NFIX: variants seen among roughly 807,000 people sequenced by gnomAD.
The protein encoded by NFIX is nuclear factor I X.
NFIX carries 2 observed loss-of-function variants against 53.3 expected under a neutral mutation model. That is an observed-to-expected ratio of 0.04 (90% confidence interval 0.02 to 0.12). The LOEUF (loss-of-function observed/expected upper bound fraction) is 0.12. Among genes scored for constraint, NFIX ranks in the 10% least tolerant of loss-of-function variants. NFIX has a pLI of 1.00. For missense variants in NFIX, 310 were observed against 674.5 expected (o/e 0.46, Z 5.99); for synonymous variants, 244 against 289.0 (o/e 0.84, Z 1.58).
chr19:13,030,958 G>C (rs1487522257), intron 2 of NFIX, among the ~76,000 whole-genome samples: 1 of 152,246 alleles, frequency 6.6e-6, no homozygotes, highest in Non-Finnish European at 1.5e-5. Context: ...GGCCACCTTT[G>C]TTTTGGACAT....
chr19:13,036,566 C>T lies in NFIX; in HGVS notation c.559+11014C>T, dbSNP rs543241626. Among the ~76,000 whole-genome samples, 18 of 152,186 alleles carry T rather than the reference C, an allele frequency of 1.2e-4. No individual in the cohort carries two copies. Among genetic ancestry groups the T allele is most frequent in the African/African-American group, 3.6e-4 (15 of 41,512 alleles). ...CTGTGTGGAGCGATCGGGAGATCCCCGGAGGCGACCTGCAGGAGGCCAGCC... is the reference window on the plus strand; with the variant it reads ...CTGTGTGGAGCGATCGGGAGATCCCTGGAGGCGACCTGCAGGAGGCCAGCC... On this transcript the variant is annotated intron_variant, in intron 2 of 10. Transcript: ENST00000592199. The surrounding 1 kb of genome is among the most constrained non-coding windows in gnomAD (Gnocchi z 4.7).
chr19:13,046,082 A>T (rs1332060079), intron 2 of NFIX, among the ~76,000 whole-genome samples: 1 of 152,188 alleles, frequency 6.6e-6, no homozygotes, highest in Non-Finnish European at 1.5e-5. Context: ...GTAAACCTGG[A>T]TGGAGTGTAG....
chr19:13,053,154 T>G (rs1260941098), intron 2 of NFIX, among the ~76,000 whole-genome samples: 1 of 152,080 alleles, frequency 6.6e-6, no homozygotes, highest in East Asian at 1.9e-4. Flanking sequence ...GGTTTGACAG[T>G]GTTTTGTGGG....
chr19:13,074,050 C>T, intron 5 of NFIX, 24 bp downstream of exon 5: 1 of 1,613,352 alleles, frequency 6.2e-7, no homozygotes, highest in Non-Finnish European at 8.5e-7. Flanking sequence ...CCCTGCCTTT[C>T]CATCTTCTCT....
chr19:13,056,491 C>T (rs1325091260), intron 2 of NFIX, among the ~76,000 whole-genome samples: 1 of 152,182 alleles, frequency 6.6e-6, no homozygotes. Context: ...TTCACTCTTA[C>T]TGTTAAAGGG....
At chr19:13,057,824 C>G (rs141821279) in intron 2 of NFIX, among the ~76,000 whole-genome samples, 4,304 of 152,224 alleles carry the variant, frequency 0.028, 71 homozygotes, top group Middle Eastern at 0.082. Flanking sequence ...CCCTTCCTCC[C>G]TCCCTCCCCG....
In NFIX at chr19:13,028,880, C is replaced by T. The variant is rs1310901539; in HGVS notation, c.559+3328C>T. Among the ~76,000 whole-genome samples, 3 of 152,066 alleles carry T rather than the reference C, an allele frequency of 2.0e-5. 1 individual carries two copies. Among genetic ancestry groups the T allele is most frequent in the Non-Finnish European group, 4.4e-5 (3 of 68,022 alleles). On this transcript the variant is annotated intron_variant, in intron 2 of 10. Coordinates refer to ENST00000592199, the MANE Select transcript of NFIX (RefSeq NM_001365902.3). The surrounding 1 kb of genome is among the most constrained non-coding windows in gnomAD (Gnocchi z 4.2). ...CTATCTCCAAAGTTTCTGCAGCACC[C>T]TGAAGGTGAACCAGTGCCTTCAGAC...
At chr19:13,057,256 C>T (rs551688914) in intron 2 of NFIX, among the ~76,000 whole-genome samples, 56 of 152,294 alleles carry the variant, frequency 3.7e-4, no homozygotes, top group African/African-American at 1.2e-3. Context: ...CAAGTTCTGA[C>T]GGCTGTGCCT....
rs1352501562 is a variant in NFIX at position 13,093,754 on chromosome 19, TG to T, written c.1495-880del. On this transcript the variant is annotated intron_variant, in intron 10 of 10. Transcript: ENST00000592199. This position sits in a 1 kb window ranked among gnomAD's most constrained non-coding sequence, Gnocchi z 4.7. ...GATGCATTTTCAGGGACCCTCATTT[TG>T]CCCCAACGGTACTACCAGGTGCACC... Among the ~76,000 whole-genome samples, 1 of 152,162 alleles carries T rather than the reference TG, an allele frequency of 6.6e-6. No homozygotes were observed. Among genetic ancestry groups the T allele is most frequent in the African/African-American group, 2.4e-5 (1 of 41,420 alleles).
chr19:13,049,632 C>T lies in NFIX; in HGVS notation c.560-23415C>T, dbSNP rs773604128. ...TTTTTGAGACAGAGTCTTACTCTGT[C>T]GCCCAGGCTGGAGTGCAGTGGCGCG... On this transcript the variant is annotated intron_variant, in intron 2 of 10. Coordinates refer to ENST00000592199, the MANE Select transcript of NFIX (RefSeq NM_001365902.3). The surrounding 1 kb of genome is among the most constrained non-coding windows in gnomAD (Gnocchi z 4.5). Among the ~76,000 whole-genome samples the T allele has an allele frequency of 9.4e-5, 14 of 149,410 alleles. No individual in the cohort carries two copies. Among genetic ancestry groups the T allele is most frequent in the Non-Finnish European group, 1.8e-4 (12 of 67,722 alleles).
chr19:13,018,608 G>C (rs1460178598), intron 1 of NFIX, among the ~76,000 whole-genome samples: 2 of 152,192 alleles, frequency 1.3e-5, no homozygotes, highest in East Asian at 1.9e-4. Context: ...GGATGATTTT[G>C]TTCTGACTAC....
chr19:13,024,430 G>A, intron 1 of NFIX: 1 of 1,426,002 alleles, frequency 7.0e-7, no homozygotes, highest in Non-Finnish European at 9.2e-7. Flanking sequence ...AATGAAAACA[G>A]CCTGGGGAGA....
At position 13,051,826 on chromosome 19, in the gene NFIX, C is replaced by T. The variant is rs2015343517; in HGVS notation, c.560-21221C>T. ...CAGGGGTTAAAGAAACACAACCCGC[C>T]GCTGCCGCCTTAGCAGGTGCCTGGA... is the stretch of plus-strand genomic sequence containing the variant. On this transcript the variant is annotated intron_variant, in intron 2 of 10. Transcript: ENST00000592199. This position sits in a 1 kb window ranked among gnomAD's most constrained non-coding sequence, Gnocchi z 5.1. Among the ~76,000 whole-genome samples, 1 of 152,358 alleles carries T rather than the reference C, an allele frequency of 6.6e-6. No homozygotes were observed. The highest frequency in any genetic ancestry group is 2.1e-4 in the South Asian group (1 of 4,834).
chr19:13,081,535 C>A lies in NFIX; in HGVS notation c.1079-145C>A. 1.5e-6 allele frequency: 1 copy of A among 649,578 alleles called. No homozygotes were observed. Among genetic ancestry groups the A allele is most frequent in the Non-Finnish European group, 2.5e-6 (1 of 396,956 alleles). 40.2% of individuals were successfully genotyped at this position (649,578 alleles called of 1,614,324 possible). On this transcript the variant is annotated intron_variant, in intron 7 of 10. Coordinates refer to ENST00000592199, the MANE Select transcript of NFIX (RefSeq NM_001365902.3). This position sits in a 1 kb window ranked among gnomAD's most constrained non-coding sequence, Gnocchi z 4.7. Reference sequence around the variant, plus strand: ...CCTGATGACTGACTTTTTTGTGCCGCCTTAACTTTTGTGCCTGTGGCGGCT... The same window carrying A: ...CCTGATGACTGACTTTTTTGTGCCGACTTAACTTTTGTGCCTGTGGCGGCT...
rs1294304794 is a variant in NFIX at position 13,088,721 on chromosome 19, C to A, written c.1402+585C>A. Among the ~76,000 whole-genome samples the A allele has an allele frequency of 6.6e-6, 1 of 151,702 alleles. No homozygotes were observed. Among genetic ancestry groups the A allele is most frequent in the African/African-American group, 2.4e-5 (1 of 41,320 alleles). On this transcript the variant is annotated intron_variant, in intron 9 of 10. Transcript: ENST00000592199. This position sits in a 1 kb window ranked among gnomAD's most constrained non-coding sequence, Gnocchi z 5.9. ...TTCTCGTTGTTCCTCTTTTTTTTTC[C>A]CCCCCTTCCATCCCTCTCCCGTCCC...
rs1382121107 is a variant in NFIX, at chr19:13,002,448, G to A, written c.27+6584G>A. ...GGAGTGGCCTCGTGCAGGGGCCTGG[G>A]CCCCCTGAGTGGGCTTGGCCAGGGG... On this transcript the variant is annotated intron_variant, in intron 1 of 10. Coordinates refer to ENST00000592199, the MANE Select transcript of NFIX (RefSeq NM_001365902.3). The surrounding 1 kb of genome is among the most constrained non-coding windows in gnomAD (Gnocchi z 6.1). Among the ~76,000 whole-genome samples the A allele has an allele frequency of 6.6e-6, 1 of 152,130 alleles. No homozygotes were observed. Among genetic ancestry groups the A allele is most frequent in the East Asian group, 1.9e-4 (1 of 5,158 alleles).
chr19:13,005,250 T>C lies in NFIX; in HGVS notation c.27+9386T>C, dbSNP rs1287845843. Reference sequence around the variant, plus strand: ...AGAATGGTAGAAGAAGATAGGATAATAGCAAAATAAATGTTTGTCCTAAAA... The same window carrying C: ...AGAATGGTAGAAGAAGATAGGATAACAGCAAAATAAATGTTTGTCCTAAAA... On this transcript the variant is annotated intron_variant, in intron 1 of 10. Coordinates refer to ENST00000592199, the MANE Select transcript of NFIX (RefSeq NM_001365902.3). The surrounding 1 kb of genome is among the most constrained non-coding windows in gnomAD (Gnocchi z 4.7). Among the ~76,000 whole-genome samples the C allele has an allele frequency of 6.6e-6, 1 of 152,236 alleles. No homozygotes were observed. Among genetic ancestry groups the C allele is most frequent in the Non-Finnish European group, 1.5e-5 (1 of 68,038 alleles).
At chr19:13,056,234 C>T (rs2015685109) in intron 2 of NFIX, among the ~76,000 whole-genome samples, 1 of 152,180 alleles carries the variant, frequency 6.6e-6, no homozygotes, top group Admixed American at 6.5e-5. Flanking sequence ...CCCCCCACCG[C>T]CCCGTTCTAT....
chr19:12,999,588 C>T (rs1223864335), intron 1 of NFIX, among the ~76,000 whole-genome samples: 1 of 152,246 alleles, frequency 6.6e-6, no homozygotes, highest in African/African-American at 2.4e-5. Flanking sequence ...CATTTGCTGA[C>T]ACACACAAAG....
Sources: gnomAD v4.1 joint callset for allele counts (sites outside exome capture counted in the v4.1 genomes callset) on GRCh38, gnomAD v4.1.1 for gene constraint, Gnocchi (gnomAD v3.1) non-coding constraint, MANE v1.5 for transcripts, NCBI Gene and HGNC (gene_info 2026-07-23, HGNC 2026-07-21) for gene names.